Variants in ITGA11 observed in about 807,000 individuals in gnomAD.
The protein encoded by ITGA11 is integrin alpha-11.
Under a neutral mutation model 141.9 loss-of-function variants are expected in ITGA11, and 97 were observed. That is an observed-to-expected ratio of 0.68 (90% confidence interval 0.58 to 0.81). ITGA11 has a LOEUF of 0.81. ITGA11 is among the 30% of genes least tolerant of loss of function. The pLI is 0.00. For synonymous variants in ITGA11, 658 were observed against 624.6 expected (o/e 1.05, Z -0.80); for missense variants, 1,387 against 1,559.2 (o/e 0.89, Z 1.86).
intron 1 of ITGA11, among the ~76,000 whole-genome samples, chr15:68,417,509 G>T (rs545182129): frequency 1.1e-4 from 17 of 152,170 alleles, no homozygotes; most frequent in Admixed American, 5.9e-4. Context: ...ATTTTGCTCA[G>T]CTTCAAGCTA....
intron 4 of ITGA11, among the ~76,000 whole-genome samples, chr15:68,363,325 G>A (rs564146032): frequency 5.3e-5 from 8 of 152,294 alleles, no homozygotes; most frequent in African/African-American, 1.7e-4. Context: ...TTGTGAAGAA[G>A]AAATGTGATA....
In ITGA11 at chr15:68,370,196, G is replaced by T. The variant is rs1336577181; in HGVS notation, c.165-912C>A. Among the ~76,000 whole-genome samples, 4 of 152,318 alleles carry T rather than the reference G, an allele frequency of 2.6e-5. No individual in the cohort carries two copies. In the East Asian group the frequency reaches 7.7e-4, roughly 29 times the overall value. ...CGTTTCTGTTGTTTTAAGCCACGCA[G>T]GTTGTGATCATCTGTTATGGCGGCC... On this transcript the variant is annotated intron_variant, in intron 2 of 29. Transcript: ENST00000315757.
intron 20 of ITGA11, among the ~76,000 whole-genome samples, chr15:68,318,572 T>G (rs1048637651): frequency 1.3e-5 from 2 of 152,160 alleles, no homozygotes; most frequent in Non-Finnish European, 2.9e-5. Context: ...GAACTGTGGC[T>G]GCAGATAGGC....
chr15:68,325,103 G>C lies in ITGA11; in HGVS notation c.2322+28C>G. On this transcript the variant is annotated intron_variant, in intron 18 of 29. Coordinates refer to ENST00000315757, the MANE Select transcript of ITGA11 (RefSeq NM_001004439.2). The surrounding 1 kb of genome is among the most constrained non-coding windows in gnomAD (Gnocchi z 5.5). ...GGAGGTGGGGGTGGGGTTCATGCCC[G>C]AGGTGCGTGCCCTGTACCGAGATGT... 1.3e-6 allele frequency: 2 copies of C among 1,546,760 alleles called. No homozygotes were observed. Among genetic ancestry groups the C allele is most frequent in the South Asian group, 2.2e-5 (2 of 89,760 alleles).
chr15:68,338,006 C>T (rs1233815401), intron 11 of ITGA11, among the ~76,000 whole-genome samples: 3 of 152,190 alleles, frequency 2.0e-5, no homozygotes, highest in African/African-American at 7.2e-5. Context: ...TGGACCATGG[C>T]CAACCACATC....
At chr15:68,316,833 G>C (rs1398052242) in intron 21 of ITGA11, among the ~76,000 whole-genome samples, 2 of 152,188 alleles carry the variant, frequency 1.3e-5, no homozygotes, top group African/African-American at 2.4e-5. Flanking sequence ...CAGCTACTTT[G>C]CTTCTCCCTT....
At chr15:68,315,798 C>T in intron 21 of ITGA11, 71 bp from the exon 22 acceptor site, 2 of 1,265,774 alleles carry the variant, frequency 1.6e-6, no homozygotes, top group Non-Finnish European at 2.2e-6. Flanking sequence ...GCCCACTCCC[C>T]ACAGCCCCCT....
rs535318439 is a variant in ITGA11, at chr15:68,315,090, C to T, written c.2792+561G>A. ...ACAGACAGATAGACAGGAAGACCCACATAGAGTAAGAAAAGGCCTCTTAAA... is the reference window on the plus strand; with the variant it reads ...ACAGACAGATAGACAGGAAGACCCATATAGAGTAAGAAAAGGCCTCTTAAA... On this transcript the variant is annotated intron_variant, in intron 22 of 29. Transcript: ENST00000315757. Among the ~76,000 whole-genome samples the T allele has an allele frequency of 1.7e-3, 255 of 152,154 alleles. 1 individual carries two copies. The highest frequency in any genetic ancestry group is 3.5e-3 in the South Asian group (17 of 4,810).
At position 68,335,011 on chromosome 15, in the gene ITGA11, A is replaced by G. The variant is rs56276905; in HGVS notation, c.1425+686T>C. ...TGAGGAGCGGATTCTCACAGTGACCAGCCAAGGGCAGTCAGAGACTCAGGA... is the reference window on the plus strand; with the variant it reads ...TGAGGAGCGGATTCTCACAGTGACCGGCCAAGGGCAGTCAGAGACTCAGGA... On this transcript the variant is annotated intron_variant, in intron 12 of 29. Coordinates refer to ENST00000315757, the MANE Select transcript of ITGA11 (RefSeq NM_001004439.2). The surrounding 1 kb of genome is among the most constrained non-coding windows in gnomAD (Gnocchi z 4.9). Among the ~76,000 whole-genome samples the G allele has an allele frequency of 0.088, 13,357 of 152,084 alleles. 1,114 individuals are homozygous for G. The highest frequency in any genetic ancestry group is 0.22 in the African/African-American group (9,006 of 41,466).
intron 11 of ITGA11, among the ~76,000 whole-genome samples, chr15:68,337,077 G>A (rs186496467): frequency 6.6e-6 from 1 of 152,164 alleles, no homozygotes. Flanking sequence ...GTAGGGCAAA[G>A]GTTTCTTCTG....
At chr15:68,330,545 G>A (rs928062871) in intron 15 of ITGA11, among the ~76,000 whole-genome samples, 10 of 151,734 alleles carry the variant, frequency 6.6e-5, no homozygotes, top group Admixed American at 6.6e-4. Context: ...GGGTGTTTAG[G>A]AAGCATGAAA....
rs1308997046 is a variant in ITGA11, at chr15:68,303,116, TC to T, written c.3509del (p.Arg1170LysfsTer28). On this transcript the variant is annotated frameshift_variant, in exon 30 of 30. Transcript: ENST00000315757. LOFTEE classifies it high-confidence loss of function. This position sits in a 1 kb window ranked among gnomAD's most constrained non-coding sequence, Gnocchi z 5.3. ...CAGGCTCCCTCCTGCGCCTGGCACT[TC>T]TAAAGAAGCCGAGCTGTGAGGAGGC... ...VLALWKLGFF[R>X]SARRRREPGL... 3.2e-6 allele frequency: 5 copies of T among 1,551,238 alleles called. No homozygotes were observed. In the African/African-American group the frequency reaches 6.8e-5, roughly 21 times the overall value.
intron 28 of ITGA11, among the ~76,000 whole-genome samples, chr15:68,306,293 A>G (rs1893193892): frequency 6.6e-6 from 1 of 150,624 alleles, no homozygotes. Context: ...GACAAGCATC[A>G]ATGTGAGAAG....
chr15:68,431,055 C>T (rs921657781), intron 1 of ITGA11, among the ~76,000 whole-genome samples: 2 of 152,250 alleles, frequency 1.3e-5, no homozygotes, highest in Non-Finnish European at 2.9e-5. Context: ...GTAACCGAGG[C>T]GCTGGCCCTT....
In ITGA11 at chr15:68,304,074, G is replaced by T. The variant is rs190122751; in HGVS notation, c.3382-189C>A. Among the ~76,000 whole-genome samples, 1 of 152,206 alleles carries T rather than the reference G, an allele frequency of 6.6e-6. No individual in the cohort carries two copies. Among genetic ancestry groups the T allele is most frequent in the Admixed American group, 6.5e-5 (1 of 15,300 alleles). ...CAGGACGACCACTGCCTGAACAGCC[G>T]ACACTGGGTTCAGTGGCCCAAGTGA... On this transcript the variant is annotated intron_variant, in intron 28 of 29. Transcript: ENST00000315757. The surrounding 1 kb of genome is among the most constrained non-coding windows in gnomAD (Gnocchi z 6.1).
intron 2 of ITGA11, among the ~76,000 whole-genome samples, chr15:68,390,619 G>A (rs1896095467): frequency 6.6e-6 from 1 of 152,194 alleles, no homozygotes; most frequent in South Asian, 2.1e-4. Flanking sequence ...CGGAAGCCAG[G>A]TCCATACCAC....
chr15:68,303,180 G>T lies in ITGA11; in HGVS notation c.3496-50C>A, dbSNP rs1278269341. On this transcript the variant is annotated intron_variant, in intron 29 of 29. Coordinates refer to ENST00000315757, the MANE Select transcript of ITGA11 (RefSeq NM_001004439.2). This position sits in a 1 kb window ranked among gnomAD's most constrained non-coding sequence, Gnocchi z 5.3. ...CTCAGAGGAGGACAGGGTGGGCAAGGCCTGCCCCAGCTTTCCCTCCACTAC... is the reference window on the plus strand; with the variant it reads ...CTCAGAGGAGGACAGGGTGGGCAAGTCCTGCCCCAGCTTTCCCTCCACTAC... 2.0e-6 allele frequency: 3 copies of T among 1,470,904 alleles called. No homozygotes were observed. Among genetic ancestry groups the T allele is most frequent in the African/African-American group, 2.8e-5 (2 of 70,898 alleles). The allele number at this position is 1,470,904 out of a possible 1,614,324, so 91.1% of individuals were successfully genotyped here.
At chr15:68,395,795 A>G (rs1312461768) in intron 2 of ITGA11, among the ~76,000 whole-genome samples, 3 of 143,544 alleles carry the variant, frequency 2.1e-5, no homozygotes, top group African/African-American at 8.0e-5. Flanking sequence ...TGGGTGCAGC[A>G]AACCAACATG....
At chr15:68,394,507 G>T (rs575439579) in intron 2 of ITGA11, among the ~76,000 whole-genome samples, 47 of 151,590 alleles carry the variant, frequency 3.1e-4, no homozygotes, top group African/African-American at 1.0e-3. Flanking sequence ...AAAGAAAAAG[G>T]GTCAGAAAAT....
Sources: gnomAD v4.1 joint callset for allele counts (sites outside exome capture counted in the v4.1 genomes callset) on GRCh38, gnomAD v4.1.1 for gene constraint, Gnocchi (gnomAD v3.1) non-coding constraint, MANE v1.5 for transcripts, NCBI Gene and HGNC (gene_info 2026-07-23, HGNC 2026-07-21) for gene names.